The following TSEN15 variants were observed in gnomAD, a reference collection of about 807,000 sequenced individuals.
The protein encoded by TSEN15 is tRNA-splicing endonuclease subunit Sen15.
A neutral mutation model predicts 20.5 loss-of-function variants in TSEN15; 10 were observed. That is an observed-to-expected ratio of 0.49 (90% CI 0.30 to 0.83). The LOEUF is 0.83. TSEN15 is among the 40% of genes least tolerant of loss of function. TSEN15 has a pLI of 0.06. For synonymous variants in TSEN15, 72 were observed against 80.1 expected (o/e 0.90, Z 0.54); for missense variants, 180 against 218.6 (o/e 0.82, Z 1.11).
At chr1:184,095,504 G>A (rs1557892845) in intron 3 of TSEN15, 2 of 391,362 alleles carry the variant, frequency 5.1e-6, no homozygotes, top group Non-Finnish European at 4.5e-6. Context: ...TGTTTTTGGA[G>A]TTAGGCCCTA....
At chr1:184,066,388 T>C (rs538593450) in intron 3 of TSEN15, among the ~76,000 whole-genome samples, 2 of 152,028 alleles carry the variant, frequency 1.3e-5, no homozygotes, top group East Asian at 3.9e-4. Context: ...AGCTTTACAA[T>C]AGGTCTTTTT....
chr1:184,069,982 A>T (rs902247043), intron 3 of TSEN15, among the ~76,000 whole-genome samples: 2 of 152,020 alleles, frequency 1.3e-5, no homozygotes, highest in African/African-American at 2.4e-5. Flanking sequence ...GGGAACTTCC[A>T]TTTCATTTTT....
At chr1:184,081,856 A>T (rs1034421175) in intron 3 of TSEN15, among the ~76,000 whole-genome samples, 3 of 152,158 alleles carry the variant, frequency 2.0e-5, no homozygotes, top group African/African-American at 7.2e-5. Context: ...ATGGATCAGA[A>T]ACCTAGGGTC....
chr1:184,061,136 C>G (rs1025641565), intron 3 of TSEN15, among the ~76,000 whole-genome samples: 5 of 152,146 alleles, frequency 3.3e-5, no homozygotes, highest in South Asian at 2.1e-4. Flanking sequence ...TGGAATATCA[C>G]TGGTGAGACT....
chr1:184,052,725 T>A (rs1005461677), intron 1 of TSEN15, among the ~76,000 whole-genome samples: 1 of 152,178 alleles, frequency 6.6e-6, no homozygotes, highest in Non-Finnish European at 1.5e-5. Flanking sequence ...CTTCCTACTC[T>A]GTCCCCTTCA....
chr1:184,081,502 A>G (rs942624486), intron 3 of TSEN15, among the ~76,000 whole-genome samples: 1 of 152,140 alleles, frequency 6.6e-6, no homozygotes, highest in Non-Finnish European at 1.5e-5. Flanking sequence ...GCCATGATCT[A>G]CCTCAAGAAA....
intron 3 of TSEN15, among the ~76,000 whole-genome samples, chr1:184,069,136 G>A (rs570195200): frequency 2.6e-4 from 39 of 152,142 alleles, no homozygotes; most frequent in Non-Finnish European, 4.9e-4. Context: ...TTTCAAGTTA[G>A]CTATATGAAG....
At chr1:184,085,280 G>T (rs1181834724) in intron 3 of TSEN15, among the ~76,000 whole-genome samples, 1 of 152,110 alleles carries the variant, frequency 6.6e-6, no homozygotes, top group African/African-American at 2.4e-5. Flanking sequence ...TAGGTCTCTT[G>T]AAGGAATGAA....
intron 3 of TSEN15, among the ~76,000 whole-genome samples, chr1:184,093,226 A>G (rs559982270): frequency 2.0e-5 from 3 of 152,344 alleles, no homozygotes; most frequent in Admixed American, 2.0e-4. Context: ...AATCACTGCC[A>G]GGCCTTTTAA....
chr1:184,071,423 T>G (rs1572714695), intron 3 of TSEN15, among the ~76,000 whole-genome samples: 1 of 152,008 alleles, frequency 6.6e-6, no homozygotes, highest in Non-Finnish European at 1.5e-5. Context: ...AGAAAATTAT[T>G]TAAAGTAATA....
In TSEN15 at chr1:184,051,846, C is replaced by A; in HGVS notation, c.91C>A (p.Pro31Thr). Residue 31 changes from proline (P) to threonine (T), a missense_variant, in exon 1 of 5, where the codon CCT becomes ACT. Coordinates refer to ENST00000645668, the MANE Select transcript of TSEN15 (RefSeq NM_052965.4). ...VRGFGDGGGA[P>T]SWAPEDAWMG... is the part of the protein sequence containing the mutation. ...CGGCTTTGGCGACGGCGGTGGAGCTCCTTCGTGGGCCCCTGAGGACGCCTG... is the reference window on the plus strand; with the variant it reads ...CGGCTTTGGCGACGGCGGTGGAGCTACTTCGTGGGCCCCTGAGGACGCCTG... 6.4e-7 allele frequency: 1 copy of A among 1,551,432 alleles called. No individual in the cohort carries two copies. The highest frequency in any genetic ancestry group is 8.7e-7 in the Non-Finnish European group (1 of 1,148,434).
chr1:184,095,310 C>G, intron 3 of TSEN15: 2 of 393,014 alleles, frequency 5.1e-6, no homozygotes, highest in East Asian at 7.2e-5. Flanking sequence ...CCGCTAACAA[C>G]TTATTGTTGG....
chr1:184,093,468 A>C (rs1651393894), intron 3 of TSEN15, among the ~76,000 whole-genome samples: 1 of 152,142 alleles, frequency 6.6e-6, no homozygotes, highest in African/African-American at 2.4e-5. Context: ...ATACTAATAA[A>C]ATCTATCTCT....
At chr1:184,066,471 C>T (rs954916610) in intron 3 of TSEN15, among the ~76,000 whole-genome samples, 3 of 151,726 alleles carry the variant, frequency 2.0e-5, no homozygotes, top group Non-Finnish European at 4.4e-5. Context: ...GGCACGATCT[C>T]GGCTCACTGC....
At chr1:184,061,116 G>C (rs796230789) in intron 3 of TSEN15, among the ~76,000 whole-genome samples, 16 of 152,180 alleles carry the variant, frequency 1.1e-4, no homozygotes, top group African/African-American at 3.6e-4. Context: ...TCTCACTCAA[G>C]AAAGAATGTT....
chr1:184,058,693 A>G (rs1650336340), intron 3 of TSEN15, among the ~76,000 whole-genome samples: 2 of 152,158 alleles, frequency 1.3e-5, no homozygotes, highest in Non-Finnish European at 2.9e-5. Flanking sequence ...AACCTTGTAT[A>G]GCAAAGAAAT....
chr1:184,092,893 A>G (rs1651385348), intron 3 of TSEN15, among the ~76,000 whole-genome samples: 1 of 152,158 alleles, frequency 6.6e-6, no homozygotes, highest in Non-Finnish European at 1.5e-5. Flanking sequence ...GTTTGCTGAG[A>G]CTGCTTGTTT....
At chr1:184,057,452 C>G (rs924042590) in intron 3 of TSEN15, among the ~76,000 whole-genome samples, 8 of 152,162 alleles carry the variant, frequency 5.3e-5, no homozygotes, top group African/African-American at 1.9e-4. Context: ...CTGACTATGA[C>G]TGAATACATA....
At chr1:184,089,080 CA>C (rs1405887624) in intron 3 of TSEN15, among the ~76,000 whole-genome samples, 4 of 152,150 alleles carry the variant, frequency 2.6e-5, no homozygotes, top group Non-Finnish European at 5.9e-5. Flanking sequence ...GCGTACTTGC[CA>C]GATATTCTTA....
Sources: allele counts gnomAD v4.1 joint callset (sites outside exome capture counted in the v4.1 genomes callset), GRCh38; gene constraint gnomAD v4.1.1; transcripts MANE v1.5; gene names NCBI Gene and HGNC (gene_info 2026-07-23, HGNC 2026-07-21).